GALNT18: variants seen among roughly 807,000 people sequenced by gnomAD.
The protein encoded by GALNT18 is GalNAc-transferase 18.
Under a neutral mutation model 69.5 loss-of-function variants are expected in GALNT18, and 44 were observed. That is an observed-to-expected ratio of 0.63 (90% confidence interval 0.50 to 0.81). GALNT18 has a LOEUF of 0.81. GALNT18 is among the 40% of genes least tolerant of loss of function. The pLI is 0.00. For missense variants in GALNT18, 715 were observed against 810.0 expected (o/e 0.88, Z 1.42); for synonymous variants, 364 against 318.2 (o/e 1.14, Z -1.53).
At chr11:11,486,617 C>T (rs1365343194) in intron 1 of GALNT18, among the ~76,000 whole-genome samples, 1 of 152,228 alleles carries the variant, frequency 6.6e-6, no homozygotes, top group Admixed American at 6.5e-5. Context: ...ACATTTAACA[C>T]TCAATAAATC....
chr11:11,570,194 T>C (rs1268370552), intron 1 of GALNT18: 1 of 152,454 alleles, frequency 6.6e-6, no homozygotes, highest in Non-Finnish European at 1.5e-5. Flanking sequence ...TTCAACGTGC[T>C]AAAGTGAGTC....
At chr11:11,293,851 C>T (rs534293695) in intron 9 of GALNT18, among the ~76,000 whole-genome samples, 16 of 152,294 alleles carry the variant, frequency 1.1e-4, no homozygotes, top group Admixed American at 1.0e-3. Flanking sequence ...ATGTCAGATA[C>T]TGTGCTTTGT....
In GALNT18 at chr11:11,619,996, CCTCCTGGAAAGGAACT is replaced by C. The variant is rs1263798299; in HGVS notation, c.235+1347_235+1362del. Reference sequence around the variant, plus strand: ...TCACCTGAACCTCCCTGAACCTTCCCCTCCTGGAAAGGAACTATTCTGGACACCTGGGGAAACACCA... The same window carrying C: ...TCACCTGAACCTCCCTGAACCTTCCCATTCTGGACACCTGGGGAAACACCA... On this transcript the variant is annotated intron_variant, in intron 1 of 10. Transcript: ENST00000227756. The surrounding 1 kb of genome is among the most constrained non-coding windows in gnomAD (Gnocchi z 4.9). Among the ~76,000 whole-genome samples, 1 of 152,150 alleles carries C rather than the reference CCTCCTGGAAAGGAACT, an allele frequency of 6.6e-6. No individual in the cohort carries two copies. The highest frequency in any genetic ancestry group is 1.5e-5 in the Non-Finnish European group (1 of 68,036).
At chr11:11,554,842 C>T (rs1450078265) in intron 1 of GALNT18, among the ~76,000 whole-genome samples, 2 of 152,186 alleles carry the variant, frequency 1.3e-5, no homozygotes, top group African/African-American at 4.8e-5. Flanking sequence ...GATTCCAGGA[C>T]TGCAGGGCCT....
chr11:11,616,296 A>C lies in GALNT18; in HGVS notation c.235+5063T>G, dbSNP rs1462201066. On this transcript the variant is annotated intron_variant, in intron 1 of 10. Transcript: ENST00000227756. The surrounding 1 kb of genome is among the most constrained non-coding windows in gnomAD (Gnocchi z 4.4). ...ACAGGGATTACATTTACTCGGAAAA[A>C]TTTGAATGATAACACCCAATGCTGG... Among the ~76,000 whole-genome samples the C allele has an allele frequency of 2.0e-5, 3 of 152,194 alleles. No homozygotes were observed. Among genetic ancestry groups the C allele is most frequent in the Non-Finnish European group, 2.9e-5 (2 of 68,030 alleles).
At position 11,421,463 on chromosome 11, in the gene GALNT18, G is replaced by C. The variant is rs919024359; in HGVS notation, c.595+11158C>G. On this transcript the variant is annotated intron_variant, in intron 3 of 10. Transcript: ENST00000227756. This position sits in a 1 kb window ranked among gnomAD's most constrained non-coding sequence, Gnocchi z 5.6. Reference sequence around the variant, plus strand: ...GCAGAGCCCCAGTTTGGTGTACAGGGAACAGAGTCTAGCCCCTCAAGGAAG... The same window carrying C: ...GCAGAGCCCCAGTTTGGTGTACAGGCAACAGAGTCTAGCCCCTCAAGGAAG... Among the ~76,000 whole-genome samples, 17 of 152,298 alleles carry C rather than the reference G, an allele frequency of 1.1e-4. No individual in the cohort carries two copies. Among genetic ancestry groups the C allele is most frequent in the African/African-American group, 3.6e-4 (15 of 41,564 alleles).
intron 1 of GALNT18, among the ~76,000 whole-genome samples, chr11:11,608,905 G>T (rs916764657): frequency 2.0e-5 from 3 of 152,150 alleles, no homozygotes; most frequent in Admixed American, 6.5e-5. Flanking sequence ...ATTCTTCAAA[G>T]ATGTGTCATT....
intron 10 of GALNT18, among the ~76,000 whole-genome samples, chr11:11,282,188 C>CT (rs143902020): frequency 0.077 from 11,688 of 152,192 alleles, 488 homozygotes; most frequent in Middle Eastern, 0.19. Flanking sequence ...CTTTCTTCTT[C>CT]TCTCGGAAAA....
chr11:11,474,588 G>A (rs1199314844), intron 1 of GALNT18, among the ~76,000 whole-genome samples: 1 of 152,206 alleles, frequency 6.6e-6, no homozygotes, highest in African/African-American at 2.4e-5. Flanking sequence ...CTTGGATGAT[G>A]CTAGTAGTAT....
At chr11:11,363,000 T>C (rs1325606921) in intron 6 of GALNT18, among the ~76,000 whole-genome samples, 2 of 152,186 alleles carry the variant, frequency 1.3e-5, no homozygotes, top group South Asian at 4.1e-4. Flanking sequence ...AATATCTCTA[T>C]ATACTGTTAT....
At chr11:11,388,835 C>T (rs1854113525) in intron 3 of GALNT18, among the ~76,000 whole-genome samples, 1 of 152,246 alleles carries the variant, frequency 6.6e-6, no homozygotes, top group African/African-American at 2.4e-5. Flanking sequence ...TTAAGAGCCT[C>T]ACCTCGTTAC....
rs148460730 is a variant in GALNT18, at chr11:11,494,729, C to T, written c.236-45793G>A. Among the ~76,000 whole-genome samples, 43 of 152,316 alleles carry T rather than the reference C, an allele frequency of 2.8e-4. No individual in the cohort carries two copies. The East Asian group carries it at 8.1e-3, about 29-fold the overall frequency. ...CTATTCTGTCAGTACACACACTCCT[C>T]ATCCTGGGGCATTTCCACTATAGCC... On this transcript the variant is annotated intron_variant, in intron 1 of 10. Transcript: ENST00000227756. This position sits in a 1 kb window ranked among gnomAD's most constrained non-coding sequence, Gnocchi z 5.7.
intron 9 of GALNT18, among the ~76,000 whole-genome samples, chr11:11,319,975 T>C (rs554117144): frequency 6.6e-6 from 1 of 152,234 alleles, no homozygotes; most frequent in East Asian, 1.9e-4. Flanking sequence ...TTAATCCTTA[T>C]AACAACTCCA....
intron 1 of GALNT18, among the ~76,000 whole-genome samples, chr11:11,539,737 A>G (rs2133953269): frequency 6.6e-6 from 1 of 152,332 alleles, no homozygotes; most frequent in Admixed American, 6.5e-5. Context: ...GCCATGAAAG[A>G]CTTTGCCCAA....
chr11:11,571,088 T>A (rs184760093), intron 1 of GALNT18, among the ~76,000 whole-genome samples: 2 of 152,342 alleles, frequency 1.3e-5, no homozygotes, highest in East Asian at 3.9e-4. Flanking sequence ...CTTCCTTTCT[T>A]GCCTTCATTT....
intron 5 of GALNT18, among the ~76,000 whole-genome samples, chr11:11,376,637 AC>A (rs1853769642): frequency 6.6e-6 from 1 of 151,910 alleles, no homozygotes; most frequent in Non-Finnish European, 1.5e-5. Flanking sequence ...CAGCCCCTCC[AC>A]CCCTACTGCC....
chr11:11,287,352 T>C (rs986254203), intron 10 of GALNT18, among the ~76,000 whole-genome samples: 1 of 152,212 alleles, frequency 6.6e-6, no homozygotes, highest in East Asian at 1.9e-4. Context: ...GGACTCCCTC[T>C]AACATTAGGC....
chr11:11,489,768 T>C (rs1307022337), intron 1 of GALNT18, among the ~76,000 whole-genome samples: 1 of 152,230 alleles, frequency 6.6e-6, no homozygotes, highest in African/African-American at 2.4e-5. Flanking sequence ...TTAACTCTTA[T>C]TCCTTGTAGC....
chr11:11,338,479 C>T lies in GALNT18; in HGVS notation c.1278+2340G>A, dbSNP rs1270770545. ...GGGCTTGTGATTGACTGGGACAGGGCATTGAGAGAGAGGAAGATTGAAGGA... is the reference window on the plus strand; with the variant it reads ...GGGCTTGTGATTGACTGGGACAGGGTATTGAGAGAGAGGAAGATTGAAGGA... On this transcript the variant is annotated intron_variant, in intron 7 of 10. Transcript: ENST00000227756. The surrounding 1 kb of genome is among the most constrained non-coding windows in gnomAD (Gnocchi z 5.3). 3.9e-5 allele frequency among the ~76,000 whole-genome samples: 6 copies of T among 151,950 alleles called. No homozygotes were observed. The highest frequency in any genetic ancestry group is 8.8e-5 in the Non-Finnish European group (6 of 68,004).
Sources: gnomAD v4.1 joint callset for allele counts (sites outside exome capture counted in the v4.1 genomes callset) on GRCh38, gnomAD v4.1.1 for gene constraint, Gnocchi (gnomAD v3.1) non-coding constraint, MANE v1.5 for transcripts, NCBI Gene and HGNC (gene_info 2026-07-23, HGNC 2026-07-21) for gene names.